The following UTP4 variants were observed in gnomAD, a reference collection of about 807,000 sequenced individuals.
The protein encoded by UTP4 is U3 small nucleolar RNA-associated protein 4 homolog.
In UTP4, 45 loss-of-function variants were observed where a neutral mutation model predicts 82.4. The observed-to-expected ratio is 0.55, with a 90% CI of 0.43 to 0.70. The LOEUF is 0.70. UTP4 is among the 30% of genes least tolerant of loss of function. The probability of loss-of-function intolerance (pLI) is 0.00; values close to 1 mark genes in which losing one functional copy is unlikely to be tolerated. For missense variants in UTP4, 819 were observed against 858.3 expected (o/e 0.95, Z 0.57); for synonymous variants, 348 against 300.3 (o/e 1.16, Z -1.64).
intron 3 of UTP4, 95 bp from the exon 4 acceptor site, chr16:69,137,706 T>G (rs923891113): frequency 1.4e-5 from 11 of 764,192 alleles, no homozygotes; most frequent in Non-Finnish European, 2.6e-5. Flanking sequence ...GAAGAGAGAA[T>G]AGAGAGAGTG....
chr16:69,160,491 T>G, intron 13 of UTP4, 29 bp downstream of exon 13: 1 of 1,541,750 alleles, frequency 6.5e-7, no homozygotes, highest in East Asian at 2.2e-5. Context: ...GGCAGCAGTT[T>G]GAATCATTGT....
intron 5 of UTP4, chr16:69,142,272 C>G (rs1418296785): frequency 6.6e-6 from 1 of 152,236 alleles, no homozygotes; most frequent in African/African-American, 2.4e-5. Context: ...TTATGTTCCT[C>G]AGAAATGGTT....
At position 69,150,845 on chromosome 16, in the gene UTP4, A is replaced by G; in HGVS notation, c.943A>G (p.Met315Val). ...TDTHLVFRPL[M>V]EKVEVKNYDA... ...CACCCACTTAGTCTTTCGTCCTCTC[A>G]TGGAGAAGGTGGAAGTAAAGAATTA... Residue 315 changes from methionine to valine, a missense_variant, in exon 8 of 17, where the codon ATG becomes GTG. By Grantham distance (21) the Met-to-Val change is conservative. Transcript: ENST00000314423. The G allele has an allele frequency of 1.2e-6, 2 of 1,614,100 alleles. No homozygotes were observed. The highest frequency in any genetic ancestry group is 1.3e-5 in the African/African-American group (1 of 75,010).
chr16:69,165,989 G>C (rs149936754), intron 15 of UTP4: 2,831 of 266,056 alleles, frequency 0.011, 34 homozygotes, highest in Non-Finnish European at 0.016. Context: ...CTACTAAAAC[G>C]CTGTCTGCAG....
intron 14 of UTP4, among the ~76,000 whole-genome samples, chr16:69,164,041 T>C (rs752526029): frequency 7.2e-5 from 11 of 152,094 alleles, no homozygotes; most frequent in African/African-American, 9.6e-5. Flanking sequence ...CCCGCCACCA[T>C]GCCCGGCTAA....
In UTP4 at chr16:69,160,482, G is replaced by A; in HGVS notation, c.1551+20G>A. ...CTAAAGGTGAGCATAGGGTTTCATGGCAGCAGTTTGAATCATTGTACAGGA... is the reference window on the plus strand; with the variant it reads ...CTAAAGGTGAGCATAGGGTTTCATGACAGCAGTTTGAATCATTGTACAGGA... On this transcript the variant is annotated intron_variant, in intron 13 of 16. Coordinates refer to ENST00000314423, the MANE Select transcript of UTP4 (RefSeq NM_032830.3). 6.3e-7 allele frequency: 1 copy of A among 1,581,008 alleles called. No individual in the cohort carries two copies. The highest frequency in any genetic ancestry group is 8.7e-7 in the Non-Finnish European group (1 of 1,149,770).
intron 8 of UTP4, 105 bp downstream of exon 8, chr16:69,151,009 C>A: frequency 8.5e-6 from 6 of 706,454 alleles, no homozygotes; most frequent in Non-Finnish European, 1.4e-5. Flanking sequence ...ATTTGTAGGA[C>A]TTTTTTTTTT....
At chr16:69,147,682 A>G (rs1403031799) in intron 6 of UTP4, among the ~76,000 whole-genome samples, 3 of 152,160 alleles carry the variant, frequency 2.0e-5, no homozygotes, top group Non-Finnish European at 2.9e-5. Context: ...ATGGGACCCC[A>G]GCCTATACAA....
intron 6 of UTP4, among the ~76,000 whole-genome samples, chr16:69,147,725 C>T (rs1339987705): frequency 6.6e-6 from 1 of 152,160 alleles, no homozygotes; most frequent in Non-Finnish European, 1.5e-5. Context: ...GTCCCTGATA[C>T]ACATAGCCTG....
chr16:69,161,689 A>G (rs1387746880), intron 13 of UTP4, among the ~76,000 whole-genome samples: 2 of 152,194 alleles, frequency 1.3e-5, no homozygotes, highest in Non-Finnish European at 2.9e-5. Context: ...TTTTTGAGAC[A>G]GGGTTTCACT....
chr16:69,161,077 G>A (rs539060937), intron 13 of UTP4, among the ~76,000 whole-genome samples: 1 of 152,192 alleles, frequency 6.6e-6, no homozygotes, highest in South Asian at 2.1e-4. Context: ...GGTTCTTTCT[G>A]TATTTTCGGG....
chr16:69,153,791 A>G, intron 9 of UTP4, 111 bp downstream of exon 9: 2 of 756,276 alleles, frequency 2.6e-6, no homozygotes, highest in Non-Finnish European at 4.7e-6. Flanking sequence ...TTTTGTGTCC[A>G]TTTTAACTAA....
chr16:69,164,590 A>C (rs927466623), intron 14 of UTP4, among the ~76,000 whole-genome samples: 6 of 72,670 alleles, frequency 8.3e-5, no homozygotes, highest in African/African-American at 3.2e-4. Flanking sequence ...CATTCTTTAT[A>C]TATATATATA....
intron 9 of UTP4, 44 bp downstream of exon 9, chr16:69,153,724 GA>G: frequency 7.6e-7 from 1 of 1,320,696 alleles, no homozygotes. Flanking sequence ...ACTGGAGAGA[GA>G]AGCCAGAAAT....
rs757331854 is a variant in UTP4, at chr16:69,133,477, C to T, written c.18C>T (p.Val6=). 5.0e-6 allele frequency: 8 copies of T among 1,614,116 alleles called. No individual in the cohort carries two copies. The South Asian group carries it at 5.5e-5, about 11-fold the overall frequency. The stretch of plus-strand genomic sequence containing the variant: ...CCCTAGGAATGGGTGAATTTAAGGT[C>T]CATCGAGTACGTTTCTTTAATTATG... MGEFK[V]HRVRFFNYVP... The change falls in exon 2 of 17, where the codon GTC becomes GTT. Residue 6 remains valine, a synonymous_variant. Transcript: ENST00000314423.
At chr16:69,168,430 T>G in intron 16 of UTP4, among the ~76,000 whole-genome samples, 1 of 95,910 alleles carries the variant, frequency 1.0e-5, no homozygotes, top group African/African-American at 4.7e-5. Context: ...AGCGAGACTG[T>G]CTCAAAAAAA....
chr16:69,160,114 C>G (rs1963525578), intron 12 of UTP4, among the ~76,000 whole-genome samples: 1 of 152,218 alleles, frequency 6.6e-6, no homozygotes, highest in Non-Finnish European at 1.5e-5. Context: ...TGTCTTAGGC[C>G]TGAGGAAGTA....
At chr16:69,147,193 T>TAAC (rs1383144536) in intron 6 of UTP4, among the ~76,000 whole-genome samples, 3 of 140,814 alleles carry the variant, frequency 2.1e-5, no homozygotes, top group Non-Finnish European at 3.1e-5. Flanking sequence ...ATAATAATAA[T>TAAC]AATAATAATA....
At position 69,143,355 on chromosome 16, in the gene UTP4, C is replaced by A; in HGVS notation, c.704C>A (p.Ala235Asp). The A allele has an allele frequency of 6.2e-7, 1 of 1,614,160 alleles. No homozygotes were observed. The highest frequency in any genetic ancestry group is 8.5e-7 in the Non-Finnish European group (1 of 1,180,030). Residue 235 changes from alanine to aspartate, a missense_variant, in exon 6 of 17, where the codon GCT becomes GAT. By Grantham distance (126) the Ala-to-Asp change is moderately radical (BLOSUM62 -2). Transcript: ENST00000314423. ...ACGCTTGTGAAGAGCCATCTCATCGCTAATGCTGACGTGCAGTCCATTGCT... is the reference window on the plus strand; with the variant it reads ...ACGCTTGTGAAGAGCCATCTCATCGATAATGCTGACGTGCAGTCCATTGCT... ...TGTLVKSHLI[A>D]NADVQSIAVA...
Sources: gnomAD v4.1 joint callset for allele counts (sites outside exome capture counted in the v4.1 genomes callset) on GRCh38, gnomAD v4.1.1 for gene constraint, MANE v1.5 for transcripts, NCBI Gene and HGNC (gene_info 2026-07-23, HGNC 2026-07-21) for gene names.